The following TNFRSF8 variants were observed in gnomAD, a reference collection of about 807,000 sequenced individuals.
TNFRSF8 encodes tumor necrosis factor receptor superfamily member 8.
A neutral mutation model predicts 70.8 loss-of-function variants in TNFRSF8; 26 were observed. That is an observed-to-expected ratio of 0.37 (90% CI 0.27 to 0.51). The LOEUF (loss-of-function observed/expected upper bound fraction) is 0.51, where lower values mean the gene tolerates loss of function less well. Ranked by LOEUF, TNFRSF8 falls within the 20% of genes least tolerant of loss-of-function variation. TNFRSF8 has a pLI of 0.94. For synonymous variants in TNFRSF8, 356 were observed against 339.2 expected, an observed-to-expected ratio of 1.05 and a Z score of -0.54; for missense variants, 720 against 807.9, an observed-to-expected ratio of 0.89 and a Z score of 1.32.
At chr1:12,140,104 G>T (rs921979275) in intron 14 of TNFRSF8, among the ~76,000 whole-genome samples, 1 of 152,248 alleles carries the variant, frequency 6.6e-6, no homozygotes, top group African/African-American at 2.4e-5. Context: ...TGGAATCCCA[G>T]GGGTGGGGTT....
chr1:12,117,663 G>A (rs983445630), intron 8 of TNFRSF8, among the ~76,000 whole-genome samples: 1 of 152,200 alleles, frequency 6.6e-6, no homozygotes, highest in African/African-American at 2.4e-5. Context: ...CCCGCTCAGT[G>A]ACTGGAATAT....
At chr1:12,132,752 C>T (rs200160516) in intron 12 of TNFRSF8, among the ~76,000 whole-genome samples, 4 of 147,342 alleles carry the variant, frequency 2.7e-5, no homozygotes, top group East Asian at 2.0e-4. Flanking sequence ...GCAGGAGGAT[C>T]GCTTAAACCC....
rs1302095183 is a variant in TNFRSF8, at chr1:12,096,303, A to C, written c.152-798A>C. Among the ~76,000 whole-genome samples, 2 of 152,016 alleles carry C rather than the reference A, an allele frequency of 1.3e-5. 1 individual carries two copies. The highest frequency in any genetic ancestry group is 2.9e-5 in the Non-Finnish European group (2 of 68,014). On this transcript the variant is annotated intron_variant, in intron 2 of 14. Transcript: ENST00000263932. Reference sequence around the variant, plus strand: ...CGAAATCAGGCTGGATTAGGGTCTTAGTGGCAGGAGTGTCCAATCTTTCGG... The same window carrying C: ...CGAAATCAGGCTGGATTAGGGTCTTCGTGGCAGGAGTGTCCAATCTTTCGG...
chr1:12,133,112 G>A (rs781207104), intron 12 of TNFRSF8, among the ~76,000 whole-genome samples: 24 of 152,086 alleles, frequency 1.6e-4, no homozygotes, highest in Non-Finnish European at 2.9e-4. Flanking sequence ...GCTGTGCTCG[G>A]CCTTTTTGTT....
At chr1:12,096,529 C>T (rs1641334382) in intron 2 of TNFRSF8, among the ~76,000 whole-genome samples, 4 of 151,726 alleles carry the variant, frequency 2.6e-5, no homozygotes, top group African/African-American at 7.3e-5. Context: ...GGGCCGAATG[C>T]GGCTAGTCGT....
rs1641874858 is a variant in TNFRSF8 at position 12,123,640 on chromosome 1, G to A, written c.1041-75G>A. The A allele has an allele frequency of 7.6e-6, 10 of 1,312,876 alleles. 1 individual carries two copies. Among genetic ancestry groups the A allele is most frequent in the Non-Finnish European group, 1.1e-5 (10 of 938,208 alleles). 81.3% of individuals were successfully genotyped at this position (1,312,876 alleles called of 1,614,324 possible). A position where few individuals can be genotyped will look rare whatever the true frequency, so the allele number is the denominator to read the frequency against. On this transcript the variant is annotated intron_variant, in intron 9 of 14. Transcript: ENST00000263932. ...AGGCTCTGGTTGCGCAGTCTCCAGA[G>A]AAAGGGAATTATTCCTGAAGACCCA...
intron 2 of TNFRSF8, among the ~76,000 whole-genome samples, chr1:12,091,231 G>T (rs192034999): frequency 6.6e-6 from 1 of 152,346 alleles, no homozygotes; most frequent in Non-Finnish European, 1.5e-5. Context: ...TTGAGGCAAT[G>T]ATCTGAGTAC....
chr1:12,125,800 G>C (rs1641926481), intron 10 of TNFRSF8, 151 bp from the exon 11 acceptor site: 2 of 716,014 alleles, frequency 2.8e-6, no homozygotes, highest in Non-Finnish European at 5.1e-6. Flanking sequence ...AGGGAGGGCT[G>C]GATGAGATAA....
intron 8 of TNFRSF8, among the ~76,000 whole-genome samples, chr1:12,122,861 C>T (rs903587809): frequency 6.6e-6 from 1 of 152,028 alleles, no homozygotes; most frequent in Non-Finnish European, 1.5e-5. Context: ...TTGAGTCTTT[C>T]TCTGTCGCCC....
intron 12 of TNFRSF8, among the ~76,000 whole-genome samples, chr1:12,133,434 T>G (rs1329156100): frequency 1.3e-5 from 2 of 152,130 alleles, no homozygotes; most frequent in Non-Finnish European, 2.9e-5. Flanking sequence ...TTAGTTTCAC[T>G]GACGTCATTG....
chr1:12,066,643 GC>G (rs1179462294), intron 1 of TNFRSF8, among the ~76,000 whole-genome samples: 4 of 150,590 alleles, frequency 2.7e-5, no homozygotes, highest in Non-Finnish European at 4.4e-5. Context: ...GTGAGCCACC[GC>G]CCCCGGCCTA....
rs965463035 is a variant in TNFRSF8, at chr1:12,071,224, G to A, written c.63+7563G>A. Among the ~76,000 whole-genome samples the A allele has an allele frequency of 1.9e-4, 29 of 152,122 alleles. 1 individual carries two copies. Among genetic ancestry groups the A allele is most frequent in the African/African-American group, 6.5e-4 (27 of 41,420 alleles). ...GAAGGCTGAGGTGGGCAGATAGTTGGGGCCAGGAGTTTGAGACCAGCCTGG... is the reference window on the plus strand; with the variant it reads ...GAAGGCTGAGGTGGGCAGATAGTTGAGGCCAGGAGTTTGAGACCAGCCTGG... On this transcript the variant is annotated intron_variant, in intron 1 of 14. Transcript: ENST00000263932.
At position 12,138,436 on chromosome 1, in the gene TNFRSF8, G is replaced by C; in HGVS notation, c.1543G>C (p.Glu515Gln). The C allele has an allele frequency of 6.2e-7, 1 of 1,608,772 alleles. No homozygotes were observed. Among genetic ancestry groups the C allele is most frequent in the Non-Finnish European group, 8.5e-7 (1 of 1,176,260 alleles). ...CACGGAGCACACCAATAACAAGATTGGTGAGTCAGCCTGTTTTGGGAGGTC... is the reference window on the plus strand; with the variant it reads ...CACGGAGCACACCAATAACAAGATTCGTGAGTCAGCCTGTTTTGGGAGGTC... ...VSTEHTNNKIEKIYIMKADTV... is the reference protein window; with the variant it reads ...VSTEHTNNKIQKIYIMKADTV... Residue 515 changes from glutamate to glutamine, a missense_variant and splice_region_variant, in exon 14 of 15, where the codon GAG becomes CAG. Glu to Gln is a conservative substitution (Grantham distance 29). Coordinates refer to ENST00000263932, the MANE Select transcript of TNFRSF8 (RefSeq NM_001243.5). This position sits in a 1 kb window ranked among gnomAD's most constrained non-coding sequence, Gnocchi z 5.7.
In TNFRSF8 at chr1:12,142,230, C is replaced by T; in HGVS notation, c.1544-57C>T. ...GCCTCGGCCCTTCTCTGCCTCTTTG[C>T]TCCCATCCTGGCTGGTGCTCTGGCC... On this transcript the variant is annotated intron_variant, in intron 14 of 14. Transcript: ENST00000263932. The surrounding 1 kb of genome is among the most constrained non-coding windows in gnomAD (Gnocchi z 5.0). 6.7e-7 allele frequency: 1 copy of T among 1,501,524 alleles called. No homozygotes were observed. The highest frequency in any genetic ancestry group is 8.9e-7 in the Non-Finnish European group (1 of 1,119,646). 93.0% of individuals were successfully genotyped at this position (1,501,524 alleles called of 1,614,324 possible). A position where few individuals can be genotyped will look rare whatever the true frequency, so the allele number is the denominator to read the frequency against.
At chr1:12,087,055 A>G (rs537514812) in intron 2 of TNFRSF8, among the ~76,000 whole-genome samples, 74 of 123,412 alleles carry the variant, frequency 6.0e-4, no homozygotes, top group African/African-American at 2.3e-3. Context: ...TCTCCTGGCC[A>G]TTTTCTCATC....
intron 8 of TNFRSF8, 127 bp downstream of exon 8, chr1:12,115,856 G>A (rs1469607881): frequency 9.6e-7 from 1 of 1,039,370 alleles, no homozygotes; most frequent in Admixed American, 2.8e-5. Context: ...ATTAGGTCAG[G>A]TTTGGGTTCT....
At chr1:12,140,679 G>A (rs1557609484) in intron 14 of TNFRSF8, among the ~76,000 whole-genome samples, 2 of 152,140 alleles carry the variant, frequency 1.3e-5, no homozygotes, top group Admixed American at 6.5e-5. Flanking sequence ...CAATTCCACC[G>A]CTTTGAATCC....
intron 8 of TNFRSF8, among the ~76,000 whole-genome samples, chr1:12,120,839 G>T (rs1641815768): frequency 6.6e-6 from 1 of 152,138 alleles, no homozygotes; most frequent in Non-Finnish European, 1.5e-5. Context: ...AAGAAGGAAA[G>T]TTACAAGTTA....
chr1:12,090,039 C>T (rs1641220590), intron 2 of TNFRSF8, among the ~76,000 whole-genome samples: 1 of 145,944 alleles, frequency 6.9e-6, no homozygotes, highest in African/African-American at 2.6e-5. Context: ...CCCCATCCAT[C>T]TATCTACCCA....
Sources: allele counts gnomAD v4.1 joint callset (sites outside exome capture counted in the v4.1 genomes callset), GRCh38; gene constraint gnomAD v4.1.1; non-coding constraint Gnocchi (gnomAD v3.1); transcripts MANE v1.5; gene names NCBI Gene and HGNC (gene_info 2026-07-23, HGNC 2026-07-21).